Variants in ADAMTS19 observed in about 807,000 individuals in gnomAD.
ADAMTS19 encodes the protein A disintegrin and metalloproteinase with thrombospondin motifs 19.
In ADAMTS19, 93 loss-of-function variants were observed where a neutral mutation model predicts 153.3. That is an observed-to-expected ratio of 0.61 (90% CI 0.51 to 0.72). ADAMTS19 has a LOEUF of 0.72. Ranked by LOEUF, ADAMTS19 falls within the 30% of genes least tolerant of loss-of-function variation. The pLI is 0.00. For missense variants in ADAMTS19, 1,482 were observed against 1,552.1 expected (o/e 0.95, Z 0.76); for synonymous variants, 600 against 556.6 (o/e 1.08, Z -1.10).
chr5:129,467,036 C>T (rs1387654763), intron 2 of ADAMTS19, among the ~76,000 whole-genome samples: 7 of 152,076 alleles, frequency 4.6e-5, no homozygotes, highest in African/African-American at 1.7e-4. Context: ...TTCACAGAAA[C>T]AAAAACGTAT....
In ADAMTS19 at chr5:129,707,284, C is replaced by T. The variant is rs538349821; in HGVS notation, c.3312+2893C>T. On this transcript the variant is annotated intron_variant, in intron 21 of 22. Coordinates refer to ENST00000274487, the MANE Select transcript of ADAMTS19 (RefSeq NM_133638.6). ...AGATTGTATTCATCTTTATTCCTGG[C>T]CTTTTAACCTTTGCTTGTTGGCCTG... Among the ~76,000 whole-genome samples, 7 of 152,288 alleles carry T rather than the reference C, an allele frequency of 4.6e-5. No homozygotes were observed. In the East Asian group the frequency reaches 1.4e-3, roughly 29 times the overall value.
At chr5:129,729,327 TAATA>T (rs1757338446) in intron 21 of ADAMTS19, among the ~76,000 whole-genome samples, 1 of 151,938 alleles carries the variant, frequency 6.6e-6, no homozygotes, top group Non-Finnish European at 1.5e-5. Context: ...ATAATAAAAA[TAATA>T]AATAGTTTAG....
rs1387586619 is a variant in ADAMTS19, at chr5:129,714,349, G to GCGC, written c.3312+9960_3312+9961insCCG. 1.2e-3 allele frequency among the ~76,000 whole-genome samples: 181 copies of GCGC among 149,298 alleles called. 1 individual carries two copies. The highest frequency in any genetic ancestry group is 4.3e-3 in the African/African-American group (174 of 40,262). On this transcript the variant is annotated intron_variant, in intron 21 of 22. Transcript: ENST00000274487. The stretch of plus-strand genomic sequence containing the variant: ...CAGGAGAATGGCGTGAACCCGGGAA[G>GCGC]CGGAGCTTGCAGTGAGCCGAGATTG...
At chr5:129,519,170 C>A (rs770794189) in intron 3 of ADAMTS19, among the ~76,000 whole-genome samples, 1 of 152,044 alleles carries the variant, frequency 6.6e-6, no homozygotes, top group Non-Finnish European at 1.5e-5. Flanking sequence ...GGTTATTCAG[C>A]GCTTTTCAGT....
At chr5:129,622,483 G>T (rs181434657) in intron 10 of ADAMTS19, 135 bp downstream of exon 10, 3 of 1,020,900 alleles carry the variant, frequency 2.9e-6, no homozygotes, top group Admixed American at 3.3e-5. Flanking sequence ...TCTAAGAAAA[G>T]GTTTGTGCAT....
intron 2 of ADAMTS19, among the ~76,000 whole-genome samples, chr5:129,486,414 T>C (rs964780061): frequency 1.1e-4 from 16 of 152,166 alleles, no homozygotes; most frequent in Non-Finnish European, 2.1e-4. Flanking sequence ...ATCCTAACAC[T>C]GCAAGGGTGG....
chr5:129,603,967 T>C (rs1448234857), intron 8 of ADAMTS19, among the ~76,000 whole-genome samples: 1 of 152,186 alleles, frequency 6.6e-6, no homozygotes, highest in African/African-American at 2.4e-5. Context: ...TGTTCCCACT[T>C]TATCTCTTCA....
chr5:129,628,526 T>C (rs1017541610), intron 10 of ADAMTS19, among the ~76,000 whole-genome samples: 6 of 152,076 alleles, frequency 3.9e-5, no homozygotes, highest in Non-Finnish European at 7.4e-5. Flanking sequence ...AGACGGTTGA[T>C]ATTTTTTCCC....
intron 19 of ADAMTS19, among the ~76,000 whole-genome samples, chr5:129,695,200 T>C (rs1394433635): frequency 1.3e-5 from 2 of 152,112 alleles, no homozygotes; most frequent in African/African-American, 2.4e-5. Context: ...TGTGTTAGAA[T>C]TTGCCCACAG....
chr5:129,654,457 G>A (rs1753456240), intron 14 of ADAMTS19, 24 bp downstream of exon 14: 3 of 1,583,620 alleles, frequency 1.9e-6, no homozygotes, highest in African/African-American at 1.4e-5. Flanking sequence ...AAAAAAAAAA[G>A]AATTTATATG....
intron 21 of ADAMTS19, among the ~76,000 whole-genome samples, chr5:129,723,579 T>G (rs1021955409): frequency 1.3e-5 from 2 of 152,210 alleles, no homozygotes; most frequent in African/African-American, 4.8e-5. Context: ...TGTTTAGTGT[T>G]TGACATGTGA....
intron 6 of ADAMTS19, among the ~76,000 whole-genome samples, chr5:129,532,925 A>G (rs1752263033): frequency 6.6e-6 from 1 of 152,152 alleles, no homozygotes; most frequent in South Asian, 2.1e-4. Context: ...CAACATGGTA[A>G]AACCCTGTCT....
In ADAMTS19 at chr5:129,528,671, T is replaced by A; in HGVS notation, c.1322T>A (p.Ile441Lys). ...ACTTCAGTGGATGCAGCTATACTTA[T>A]AACAAGGTAAATTTTCCAATGCCAA... ...DMTSVDAAILITRKDFCVHKD... is the reference protein window; with the variant it reads ...DMTSVDAAILKTRKDFCVHKD... The change falls in exon 6 of 23, where the codon ATA (isoleucine) becomes AAA (lysine). Residue 441 changes from isoleucine (I) to lysine (K), a missense_variant. Transcript: ENST00000274487. 1 of 1,584,146 alleles carries A rather than the reference T, an allele frequency of 6.3e-7. No individual in the cohort carries two copies. The highest frequency in any genetic ancestry group is 8.6e-7 in the Non-Finnish European group (1 of 1,167,744).
chr5:129,684,746 G>A (rs1462708408), intron 18 of ADAMTS19, among the ~76,000 whole-genome samples: 3 of 151,842 alleles, frequency 2.0e-5, no homozygotes, highest in African/African-American at 4.8e-5. Flanking sequence ...CCAGCACTCT[G>A]GGAGGCCGAG....
chr5:129,514,341 T>C (rs1192093394), intron 3 of ADAMTS19, among the ~76,000 whole-genome samples: 1 of 152,126 alleles, frequency 6.6e-6, no homozygotes, highest in Non-Finnish European at 1.5e-5. Flanking sequence ...TAGCTCTCTT[T>C]TTAATGTTTG....
intron 10 of ADAMTS19, among the ~76,000 whole-genome samples, chr5:129,630,667 A>AT (rs1436995397): frequency 2.0e-5 from 3 of 151,932 alleles, no homozygotes; most frequent in Non-Finnish European, 4.4e-5. Context: ...TAGAGGAAAT[A>AT]TTTTTTTTAA....
intron 2 of ADAMTS19, among the ~76,000 whole-genome samples, chr5:129,491,139 C>G (rs1187688613): frequency 2.0e-5 from 3 of 152,026 alleles, no homozygotes; most frequent in Non-Finnish European, 4.4e-5. Context: ...GTAGCTGGGA[C>G]TACGGGTGCC....
At chr5:129,553,321 A>G (rs1753198533) in intron 7 of ADAMTS19, among the ~76,000 whole-genome samples, 1 of 152,098 alleles carries the variant, frequency 6.6e-6, no homozygotes, top group South Asian at 2.1e-4. Flanking sequence ...AAGAAGAACC[A>G]ATTTCTGTTT....
rs1450866981 is a variant in ADAMTS19, at chr5:129,461,644, G to A, written c.634G>A (p.Ala212Thr). 3.8e-6 allele frequency: 6 copies of A among 1,572,256 alleles called. No homozygotes were observed. Among genetic ancestry groups the A allele is most frequent in the Admixed American group, 1.7e-5 (1 of 57,714 alleles). Residue 212 changes from alanine to threonine, a missense_variant, in exon 2 of 23, where the codon GCA (alanine) becomes ACA (threonine). Around this residue, in one of 2 missense-constraint regions of ADAMTS19, gnomAD observed 866 missense variants for 827.7 expected, o/e 1.05. Transcript: ENST00000274487. The surrounding 1 kb of genome is among the most constrained non-coding windows in gnomAD (Gnocchi z 4.6). ...RPNPGPGPTG[A>T]ASAPQPPAPP... is the part of the protein sequence containing the mutation. ...AAATCCCGGCCCCGGCCCCACGGGG[G>A]CAGCATCCGCCCCGCAACCTCCCGC...
Sources: gnomAD v4.1 joint callset for allele counts (sites outside exome capture counted in the v4.1 genomes callset) on GRCh38, gnomAD v4.1.1 for gene constraint, gnomAD v4.1.1 regional missense constraint, Gnocchi (gnomAD v3.1) non-coding constraint, MANE v1.5 for transcripts, NCBI Gene and HGNC (gene_info 2026-07-23, HGNC 2026-07-21) for gene names.